The following SFXN4 variants were observed in gnomAD, a reference collection of about 807,000 sequenced individuals.
SFXN4 encodes sideroflexin 4.
Under a neutral mutation model 54.6 loss-of-function variants are expected in SFXN4, and 48 were observed. The observed-to-expected ratio is 0.88, with a 90% CI of 0.70 to 1.12. SFXN4 has a LOEUF of 1.12. Ranked by LOEUF, SFXN4 falls within the 50% of genes most tolerant of loss-of-function variation. SFXN4 has a pLI of 0.00. For synonymous variants in SFXN4, 130 were observed against 145.5 expected, an observed-to-expected ratio of 0.89 and a Z score of 0.77; for missense variants, 383 against 409.2, an observed-to-expected ratio of 0.94 and a Z score of 0.55.
chr10:119,150,496 G>T (rs1374631134), intron 11 of SFXN4, among the ~76,000 whole-genome samples: 3 of 152,070 alleles, frequency 2.0e-5, no homozygotes, highest in Non-Finnish European at 4.4e-5. Flanking sequence ...GGGCAACATA[G>T]CGAGACCCCA....
intron 3 of SFXN4, 163 bp downstream of exon 3, chr10:119,162,177 A>C: frequency 1.6e-6 from 1 of 630,324 alleles, no homozygotes; most frequent in Non-Finnish European, 2.8e-6. Flanking sequence ...AGTATATAAC[A>C]ATGACAGCAT....
At chr10:119,161,729 G>A (rs2133627210) in intron 3 of SFXN4, among the ~76,000 whole-genome samples, 1 of 152,288 alleles carries the variant, frequency 6.6e-6, no homozygotes, top group South Asian at 2.1e-4. Context: ...CCCGAATCCG[G>A]CTTGCCTCTG....
chr10:119,162,020 G>C, intron 3 of SFXN4: 1 of 380,074 alleles, frequency 2.6e-6, no homozygotes, highest in Non-Finnish European at 4.7e-6. Flanking sequence ...TGAATTCTGG[G>C]GTTTGCCACT....
At chr10:119,159,842 T>C in intron 5 of SFXN4, 89 bp from the exon 6 acceptor site, 3 of 1,371,256 alleles carry the variant, frequency 2.2e-6, no homozygotes, top group Non-Finnish European at 3.1e-6. Flanking sequence ...GAACACCTCT[T>C]CCCCAGCTTC....
At chr10:119,151,993 T>A (rs1336309869) in intron 11 of SFXN4, among the ~76,000 whole-genome samples, 5 of 151,402 alleles carry the variant, frequency 3.3e-5, no homozygotes, top group African/African-American at 9.7e-5. Context: ...TTTTTAAAAA[T>A]TTTTTTGTAG....
intron 8 of SFXN4, 25 bp downstream of exon 8, chr10:119,157,846 A>ACT (rs751244604): frequency 5.6e-6 from 9 of 1,613,104 alleles, no homozygotes; most frequent in Non-Finnish European, 7.6e-6. Flanking sequence ...AAAACCCCAC[A>ACT]CTCTCTGGGT....
At chr10:119,160,327 G>A (rs1847468412) in intron 5 of SFXN4, among the ~76,000 whole-genome samples, 1 of 151,940 alleles carries the variant, frequency 6.6e-6, no homozygotes, top group African/African-American at 2.4e-5. Context: ...CCAACATAGT[G>A]AAACCCTGTC....
At chr10:119,159,902 T>A (rs1028676580) in intron 5 of SFXN4, 149 bp from the exon 6 acceptor site, 1 of 825,288 alleles carries the variant, frequency 1.2e-6, no homozygotes, top group Non-Finnish European at 2.0e-6. Context: ...TTTGTTTTTC[T>A]AATAAAGTGG....
Position 119,159,760 on chromosome 10 carries a change from G to A in SFXN4, c.335-7C>T, listed in dbSNP as rs369630590. On this transcript the variant is annotated splice_region_variant and splice_polypyrimidine_tract_variant and intron_variant, in intron 5 of 13. Transcript: ENST00000355697. ...GCCATGAAAGGCAGGAACGCTGGCA[G>A]GAAGAGAAGAGAGGAGGTGTCAGTG... 5.6e-6 allele frequency: 9 copies of A among 1,614,114 alleles called. No homozygotes were observed. Among genetic ancestry groups the A allele is most frequent in the Non-Finnish European group, 7.6e-6 (9 of 1,180,006 alleles).
At chr10:119,153,111 T>A (rs1847138587) in intron 11 of SFXN4, among the ~76,000 whole-genome samples, 1 of 152,128 alleles carries the variant, frequency 6.6e-6, no homozygotes, top group Non-Finnish European at 1.5e-5. Flanking sequence ...TGTGTTGAAC[T>A]GAACAAAAGA....
Position 119,140,951 on chromosome 10 carries a change from GTTAA to G in SFXN4, c.*287_*290del. On this transcript the variant is annotated 3_prime_UTR_variant, in exon 14 of 14. Coordinates refer to ENST00000355697, the MANE Select transcript of SFXN4 (RefSeq NM_213649.2). ...TCCTCAACTTGAGACAGGTTTATTA[GTTAA>G]TTAGTGATTTCACAGTATCCTTTCG... 1 of 297,114 alleles carries G rather than the reference GTTAA, an allele frequency of 3.4e-6. No homozygotes were observed. The highest frequency in any genetic ancestry group is 6.3e-6 in the Non-Finnish European group (1 of 159,506). The allele number at this position is 297,114 out of a possible 1,614,324, so 18.4% of individuals were successfully genotyped here.
chr10:119,142,011 G>A lies in SFXN4; in HGVS notation c.937-692C>T, dbSNP rs563913645. On this transcript the variant is annotated intron_variant, in intron 13 of 13. Coordinates refer to ENST00000355697, the MANE Select transcript of SFXN4 (RefSeq NM_213649.2). ...GAGGTGGGGAGTTTGCAATCAGCCTGGGCAATATAGTGGGACCCTATCTCT... is the reference window on the plus strand; with the variant it reads ...GAGGTGGGGAGTTTGCAATCAGCCTAGGCAATATAGTGGGACCCTATCTCT... Among the ~76,000 whole-genome samples the A allele has an allele frequency of 3.3e-5, 5 of 152,142 alleles. No individual in the cohort carries two copies. The South Asian group carries it at 1.0e-3, about 32-fold the overall frequency.
chr10:119,145,310 GA>G (rs1466781354), intron 13 of SFXN4, among the ~76,000 whole-genome samples: 22 of 59,586 alleles, frequency 3.7e-4, no homozygotes, highest in Middle Eastern at 9.8e-3. Flanking sequence ...TTTTTCTTAT[GA>G]TTTTTTTTTT....
At chr10:119,154,926 T>C (rs2133601375) in intron 11 of SFXN4, 136 bp downstream of exon 11, 4 of 626,050 alleles carry the variant, frequency 6.4e-6, no homozygotes, top group Non-Finnish European at 1.1e-5. Flanking sequence ...AAATGAGAAA[T>C]TTCTCTCTCA....
chr10:119,145,492 T>G (rs947781624), intron 13 of SFXN4, among the ~76,000 whole-genome samples: 1 of 151,960 alleles, frequency 6.6e-6, no homozygotes, highest in African/African-American at 2.4e-5. Flanking sequence ...TTAGTAGAGC[T>G]GGAGTTTTGC....
intron 11 of SFXN4, among the ~76,000 whole-genome samples, chr10:119,150,679 T>C (rs1045226544): frequency 1.3e-5 from 2 of 151,896 alleles, no homozygotes; most frequent in African/African-American, 4.8e-5. Flanking sequence ...TATAAATAAA[T>C]GAATAAATAA....
intron 6 of SFXN4, 63 bp from the exon 7 acceptor site, chr10:119,158,125 A>G: frequency 6.7e-7 from 1 of 1,493,144 alleles, no homozygotes; most frequent in Non-Finnish European, 9.3e-7. Context: ...TTGCAGTAGC[A>G]AAGAACTTTC....
In SFXN4 at chr10:119,158,005, C is replaced by T. The variant is rs756382140; in HGVS notation, c.414+4G>A. 1.9e-6 allele frequency: 3 copies of T among 1,614,062 alleles called. No homozygotes were observed. Among genetic ancestry groups the T allele is most frequent in the Admixed American group, 1.7e-5 (1 of 59,994 alleles). On this transcript the variant is annotated splice_donor_region_variant and intron_variant, in intron 7 of 13. Coordinates refer to ENST00000355697, the MANE Select transcript of SFXN4 (RefSeq NM_213649.2). ...AGTAATCGTGAAACAGGAAGAATGG[C>T]TACCTGAGGTAAAATCACGGACTTG...
At position 119,157,941 on chromosome 10, in the gene SFXN4, C is replaced by T. The variant is rs774589560; in HGVS notation, c.415-14G>A. ...ACAGAGGAAAACCTGCCGAGAGGGG[C>T]AAATGGATCGCATTTTCGTTTCAAG... On this transcript the variant is annotated splice_polypyrimidine_tract_variant and intron_variant, in intron 7 of 13. Coordinates refer to ENST00000355697, the MANE Select transcript of SFXN4 (RefSeq NM_213649.2). 6.8e-6 allele frequency: 11 copies of T among 1,614,184 alleles called. No homozygotes were observed. The Middle Eastern group carries it at 6.6e-4, about 97-fold the overall frequency.
Sources: gnomAD v4.1 joint callset for allele counts (sites outside exome capture counted in the v4.1 genomes callset) on GRCh38, gnomAD v4.1.1 for gene constraint, MANE v1.5 for transcripts, NCBI Gene and HGNC (gene_info 2026-07-23, HGNC 2026-07-21) for gene names.